The following AR variants were observed in gnomAD, a reference collection of about 807,000 sequenced individuals.
The protein encoded by AR is dihydrotestosterone receptor.
AR carries 8 observed loss-of-function variants against 53.9 expected under a neutral mutation model. The observed-to-expected ratio is 0.15, with a 90% CI of 0.09 to 0.27. AR has a LOEUF of 0.27. AR is among the 10% of genes least tolerant of loss of function. AR has a pLI of 1.00. For missense variants in AR, 639 were observed against 742.5 expected, an observed-to-expected ratio of 0.86 and a Z score of 1.62; for synonymous variants, 359 against 316.4, an observed-to-expected ratio of 1.13 and a Z score of -1.43.
At position 67,729,335 on chromosome X, in the gene AR, C is replaced by T. The variant is rs774730675; in HGVS notation, c.*5494C>T. On this transcript the variant is annotated 3_prime_UTR_variant, in exon 8 of 8. Transcript: ENST00000374690. ...GTTGCCTAGGACCTCCCAACTCAACCATTTCTAGGTGAAGGCAGAAAAATC... is the reference window on the plus strand; with the variant it reads ...GTTGCCTAGGACCTCCCAACTCAACTATTTCTAGGTGAAGGCAGAAAAATC... 3.5e-5 allele frequency: 6 copies of T among 173,690 alleles called. No homozygotes were observed. The highest frequency in any genetic ancestry group is 1.8e-3 in the Middle Eastern group (1 of 550). The allele number at this position is 173,690 out of a possible 1,213,427, so 14.3% of individuals were successfully genotyped here. A position where few individuals can be genotyped will look rare whatever the true frequency, so the allele number is the denominator to read the frequency against.
intron 3 of AR, chrX:67,696,205 G>A (rs1170090634): frequency 6.2e-6 from 4 of 642,131 alleles, no homozygotes; most frequent in African/African-American, 2.5e-5. Context: ...GTTCAGCTTG[G>A]ACTGTTTCAC....
chrX:67,599,032 G>A (rs760465226), intron 1 of AR, among the ~76,000 whole-genome samples: 12 of 111,268 alleles, frequency 1.1e-4, no homozygotes, highest in African/African-American at 2.9e-4. Flanking sequence ...GAAGTAGGAG[G>A]TGGAGAGAAC....
At chrX:67,722,127 T>C (rs2076138538) in intron 6 of AR, 164 bp downstream of exon 6, 1 of 641,735 alleles carries the variant, frequency 1.6e-6, no homozygotes, top group East Asian at 3.7e-5. Flanking sequence ...ATCATTTTCC[T>C]AACAAGAAAC....
chrX:67,575,864 G>C (rs1226027748), intron 1 of AR, among the ~76,000 whole-genome samples: 1 of 111,409 alleles, frequency 9.0e-6, no homozygotes, highest in Admixed American at 9.6e-5. Flanking sequence ...GTTGGTGTAG[G>C]AAACTGGTAT....
At chrX:67,711,345 G>A (rs2076092723) in intron 3 of AR, 57 bp from the exon 4 acceptor site, 2 of 1,139,401 alleles carry the variant, frequency 1.8e-6, no homozygotes. Context: ...AAAGGTAGTT[G>A]CATTGTGTGT....
chrX:67,718,601 CCCTTT>C (rs1404808932), intron 5 of AR, among the ~76,000 whole-genome samples: 1 of 110,929 alleles, frequency 9.0e-6, no homozygotes, highest in East Asian at 2.9e-4. Context: ...AAAAAAAAGT[CCCTTT>C]CTGATTCACC....
intron 1 of AR, among the ~76,000 whole-genome samples, chrX:67,625,385 G>A (rs1423087740): frequency 9.0e-6 from 1 of 111,033 alleles, no homozygotes; most frequent in Non-Finnish European, 1.9e-5. Flanking sequence ...TGTTTTCTTA[G>A]CAGAAAATGA....
At chrX:67,626,689 G>A (rs1441429709) in intron 1 of AR, among the ~76,000 whole-genome samples, 1 of 100,422 alleles carries the variant, frequency 1.0e-5, no homozygotes, top group Non-Finnish European at 2.0e-5. Flanking sequence ...GTGCAGGTTA[G>A]TTACATATGT....
chrX:67,546,132 G>T lies in AR; in HGVS notation c.986G>T (p.Gly329Val), dbSNP rs548206951. The T allele has an allele frequency of 1.2e-5, 15 of 1,211,159 alleles. No homozygotes were observed. The South Asian group carries it at 2.3e-4, about 18-fold the overall frequency. ...GAAGGCGAGAGCCTAGGCTGCTCTG[G>T]CAGCGCTGCAGCAGGGAGCTCCGGG... ...GLEGESLGCS[G>V]SAAAGSSGTL... is the part of the protein sequence containing the mutation. The change falls in exon 1 of 8, where the codon GGC becomes GTC. Residue 329 changes from glycine (G) to valine (V), a missense_variant. Physicochemically the swap from Gly to Val is moderately radical, Grantham distance 109. This residue lies in a region of AR where 423 missense variants were observed against 377.0 expected (regional missense o/e 1.12). Transcript: ENST00000374690.
intron 2 of AR, among the ~76,000 whole-genome samples, chrX:67,685,328 G>A (rs767498734): frequency 2.2e-4 from 24 of 111,305 alleles, no homozygotes; most frequent in East Asian, 5.7e-4. Flanking sequence ...ATGTGTGTGC[G>A]CTTCTATGTA....
chrX:67,700,767 CT>C (rs1256689306), intron 3 of AR, among the ~76,000 whole-genome samples: 1 of 112,039 alleles, frequency 8.9e-6, no homozygotes, highest in Non-Finnish European at 1.9e-5. Flanking sequence ...CCCACAGTCT[CT>C]GCACATATTG....
At chrX:67,643,549 A>C in intron 2 of AR, 142 bp downstream of exon 2, 1 of 882,754 alleles carries the variant, frequency 1.1e-6, no homozygotes, top group Non-Finnish European at 1.6e-6. Context: ...TAGGAGCCTA[A>C]GGAAGCAAAT....
intron 1 of AR, chrX:67,569,031 T>C: frequency 8.3e-7 from 1 of 1,208,435 alleles, no homozygotes. Context: ...AGGTGGGAGG[T>C]TCTTCAATTG....
chrX:67,654,291 T>C (rs779505954), intron 2 of AR, among the ~76,000 whole-genome samples: 4 of 111,501 alleles, frequency 3.6e-5, no homozygotes, highest in Non-Finnish European at 7.5e-5. Context: ...GCAGCGTCCC[T>C]GGGTAGGCCG....
At chrX:67,636,056 T>C (rs1426234871) in intron 1 of AR, among the ~76,000 whole-genome samples, 1 of 111,677 alleles carries the variant, frequency 9.0e-6, no homozygotes, top group Admixed American at 9.5e-5. Context: ...AAAATTAATG[T>C]TGATGAGCCC....
chrX:67,606,021 G>A (rs1003302363), intron 1 of AR, among the ~76,000 whole-genome samples: 1 of 112,017 alleles, frequency 8.9e-6, no homozygotes. Context: ...GTTTTCAGTC[G>A]AACAGGGGAG....
chrX:67,674,899 G>A (rs1024412810), intron 2 of AR, among the ~76,000 whole-genome samples: 1 of 110,752 alleles, frequency 9.0e-6, no homozygotes, highest in African/African-American at 3.3e-5. Flanking sequence ...GAATATGCTG[G>A]GTCACTCTTG....
At chrX:67,598,887 C>T (rs932849633) in intron 1 of AR, among the ~76,000 whole-genome samples, 2 of 110,609 alleles carry the variant, frequency 1.8e-5, no homozygotes, top group Non-Finnish European at 3.8e-5. Context: ...TTCCTAAGTA[C>T]CTGTGTGATG....
At chrX:67,648,334 G>A (rs1264044157) in intron 2 of AR, among the ~76,000 whole-genome samples, 2 of 111,349 alleles carry the variant, frequency 1.8e-5, no homozygotes, top group Non-Finnish European at 3.8e-5. Flanking sequence ...GTAAATTTGT[G>A]GATAACTATG....
Sources: allele counts gnomAD v4.1 joint callset (sites outside exome capture counted in the v4.1 genomes callset), GRCh38; gene constraint gnomAD v4.1.1; regional missense constraint gnomAD v4.1.1; transcripts MANE v1.5; gene names NCBI Gene and HGNC (gene_info 2026-07-23, HGNC 2026-07-21).